The following SEC62 variants were observed in gnomAD, a reference collection of about 807,000 sequenced individuals.
The protein encoded by SEC62 is translocation protein SEC62.
A neutral mutation model predicts 47.5 loss-of-function variants in SEC62; 10 were observed. That is an observed-to-expected ratio of 0.21 (90% CI 0.13 to 0.36). The LOEUF (loss-of-function observed/expected upper bound fraction) is 0.36, where lower values mean the gene tolerates loss of function less well. Among genes scored for constraint, SEC62 ranks in the 10% least tolerant of loss-of-function variants. The probability of loss-of-function intolerance (pLI) is 1.00; values close to 1 mark genes in which losing one functional copy is unlikely to be tolerated. For synonymous variants in SEC62, 136 were observed against 150.5 expected, an observed-to-expected ratio of 0.90 and a Z score of 0.71; for missense variants, 327 against 464.1, an observed-to-expected ratio of 0.70 and a Z score of 2.71.
intron 7 of SEC62, among the ~76,000 whole-genome samples, chr3:169,989,635 A>G (rs1404895311): frequency 1.3e-5 from 2 of 152,130 alleles, no homozygotes; most frequent in Non-Finnish European, 2.9e-5. Context: ...GTTTAGCTCC[A>G]CTGAATAGAA....
intron 1 of SEC62, chr3:169,969,437 G>A (rs1438020061): frequency 2.3e-6 from 1 of 434,400 alleles, no homozygotes; most frequent in Non-Finnish European, 4.7e-6. Flanking sequence ...ATGTGCTGCT[G>A]CATAGTAGAA....
chr3:169,967,415 A>G (rs1190825144), intron 1 of SEC62, among the ~76,000 whole-genome samples: 1 of 152,100 alleles, frequency 6.6e-6, no homozygotes, highest in African/African-American at 2.4e-5. Flanking sequence ...CCAGATGTTC[A>G]GTTGCGTTGC....
chr3:169,973,839 T>C (rs1714765296), intron 1 of SEC62, among the ~76,000 whole-genome samples: 1 of 152,208 alleles, frequency 6.6e-6, no homozygotes, highest in Non-Finnish European at 1.5e-5. Flanking sequence ...AATTGTACAC[T>C]GGTATGATCT....
At position 169,993,152 on chromosome 3, in the gene SEC62, A is replaced by G. The variant is rs1239815976; in HGVS notation, c.*89A>G. ...ACCATATTGAACACATGGCATTTGTAGCATTCTTTAAATCTATCTACTGAA... is the reference window on the plus strand; with the variant it reads ...ACCATATTGAACACATGGCATTTGTGGCATTCTTTAAATCTATCTACTGAA... On this transcript the variant is annotated 3_prime_UTR_variant, in exon 8 of 8. Coordinates refer to ENST00000337002, the MANE Select transcript of SEC62 (RefSeq NM_003262.4). 5.4e-6 allele frequency: 5 copies of G among 930,110 alleles called. No homozygotes were observed. The highest frequency in any genetic ancestry group is 6.4e-6 in the Non-Finnish European group (4 of 624,534). The allele number at this position is 930,110 out of a possible 1,614,324, so 57.6% of individuals were successfully genotyped here.
Position 169,992,662 on chromosome 3 carries a change from A to G in SEC62, c.799A>G (p.Asn267Asp). ...GGRHHFWFLP[N>D]LTADVGFIDS... ...AAGGCACCACTTTTGGTTCTTGCCA[A>G]ATCTGACTGCTGATGTGGGCTTCAT... The change falls in exon 8 of 8, where the codon AAT becomes GAT. Residue 267 changes from asparagine to aspartate, a missense_variant. Physicochemically the swap from Asn to Asp is conservative, Grantham distance 23. Transcript: ENST00000337002. The surrounding 1 kb of genome is among the most constrained non-coding windows in gnomAD (Gnocchi z 4.0). 1 of 1,614,158 alleles carries G rather than the reference A, an allele frequency of 6.2e-7. No individual in the cohort carries two copies. The highest frequency in any genetic ancestry group is 8.5e-7 in the Non-Finnish European group (1 of 1,180,016).
At chr3:169,975,769 C>T (rs1308035848) in intron 2 of SEC62, 53 bp downstream of exon 2, 1 of 1,261,956 alleles carries the variant, frequency 7.9e-7, no homozygotes, top group African/African-American at 1.5e-5. Context: ...TGAAGTTAAC[C>T]TACATTTGGG....
chr3:169,976,257 G>A (rs1406075239), intron 2 of SEC62, among the ~76,000 whole-genome samples: 2 of 152,074 alleles, frequency 1.3e-5, no homozygotes, highest in African/African-American at 4.8e-5. Flanking sequence ...GAGTATGATG[G>A]CATGCGCCTC....
Position 169,995,171 on chromosome 3 carries a change from T to C in SEC62, c.*2108T>C, listed in dbSNP as rs752029316. On this transcript the variant is annotated 3_prime_UTR_variant, in exon 8 of 8. Coordinates refer to ENST00000337002, the MANE Select transcript of SEC62 (RefSeq NM_003262.4). The stretch of plus-strand genomic sequence containing the variant: ...GTACCAGAGCATGGAAAATCGTTTA[T>C]AATTGTTAATAGAATGGCGATTTTT... The C allele has an allele frequency of 2.6e-5, 4 of 152,178 alleles. No homozygotes were observed. Among genetic ancestry groups the C allele is most frequent in the Non-Finnish European group, 4.4e-5 (3 of 68,016 alleles). The allele number at this position is 152,178 out of a possible 1,614,324, so 9.4% of individuals were successfully genotyped here.
intron 5 of SEC62, among the ~76,000 whole-genome samples, chr3:169,984,275 A>T (rs1326276091): frequency 1.3e-5 from 2 of 152,200 alleles, no homozygotes; most frequent in East Asian, 3.8e-4. Context: ...GAACCACTGT[A>T]ATAGAAATTT....
chr3:169,983,282 A>T lies in SEC62; in HGVS notation c.549+29A>T, dbSNP rs747928794. 95 of 1,485,404 alleles carry T rather than the reference A, an allele frequency of 6.4e-5. 1 individual carries two copies. The Middle Eastern group carries it at 1.2e-3, about 19-fold the overall frequency. 92.0% of individuals were successfully genotyped at this position (1,485,404 alleles called of 1,614,324 possible). ...AGAGTAAGCCTATAACTAGAAGTTC[A>T]GTTTTCTATAGGAGTTTTTAGAAAG... On this transcript the variant is annotated intron_variant, in intron 5 of 7. Coordinates refer to ENST00000337002, the MANE Select transcript of SEC62 (RefSeq NM_003262.4).
At position 169,998,014 on chromosome 3, in the gene SEC62, T is replaced by C. The variant is rs1174568345; in HGVS notation, c.*4951T>C. The C allele has an allele frequency of 1.3e-5, 2 of 152,264 alleles. No individual in the cohort carries two copies. Among genetic ancestry groups the C allele is most frequent in the Non-Finnish European group, 2.9e-5 (2 of 68,044 alleles). 9.4% of individuals were successfully genotyped at this position (152,264 alleles called of 1,614,324 possible). ...TTTCTGTTGACAAAGTTACTGCTAGTACAACTGTGGATTGTTGTCTGCACT... is the reference window on the plus strand; with the variant it reads ...TTTCTGTTGACAAAGTTACTGCTAGCACAACTGTGGATTGTTGTCTGCACT... On this transcript the variant is annotated 3_prime_UTR_variant, in exon 8 of 8. Transcript: ENST00000337002.
intron 3 of SEC62, among the ~76,000 whole-genome samples, chr3:169,977,437 C>T (rs3772182): frequency 0.29 from 43,825 of 151,902 alleles, 7,667 homozygotes; most frequent in African/African-American, 0.49. Flanking sequence ...GTGCCTGCAC[C>T]CTGAGCCATA....
rs1011273401 is a variant in SEC62 at position 169,997,411 on chromosome 3, C to T, written c.*4348C>T. On this transcript the variant is annotated 3_prime_UTR_variant, in exon 8 of 8. Coordinates refer to ENST00000337002, the MANE Select transcript of SEC62 (RefSeq NM_003262.4). ...GGTCTTATTTCATTTTCAATGATTT[C>T]CTAGATCACTTTAACTTTTTTGTGT... is the stretch of plus-strand genomic sequence containing the variant. The T allele has an allele frequency of 1.3e-5, 2 of 152,246 alleles. No individual in the cohort carries two copies. Among genetic ancestry groups the T allele is most frequent in the African/African-American group, 4.8e-5 (2 of 41,538 alleles). The allele number at this position is 152,246 out of a possible 1,614,324, so 9.4% of individuals were successfully genotyped here. A position where few individuals can be genotyped will look rare whatever the true frequency, so the allele number is the denominator to read the frequency against.
intron 1 of SEC62, among the ~76,000 whole-genome samples, chr3:169,974,607 A>G (rs1714782351): frequency 1.3e-5 from 2 of 152,368 alleles, no homozygotes; most frequent in African/African-American, 4.8e-5. Context: ...ACTCTTTGTC[A>G]GTGCACTTCC....
intron 1 of SEC62, among the ~76,000 whole-genome samples, chr3:169,974,863 G>A (rs1453103170): frequency 2.0e-5 from 3 of 152,158 alleles, no homozygotes; most frequent in Admixed American, 6.5e-5. Flanking sequence ...CCATTGTTCA[G>A]GATACATATC....
In SEC62 at chr3:169,985,811, G is replaced by A. The variant is rs760738195; in HGVS notation, c.556G>A (p.Val186Ile). The change falls in exon 6 of 8, where the codon GTA becomes ATA. Residue 186 changes from valine (V) to isoleucine (I), a missense_variant. Val to Ile is a conservative substitution (Grantham distance 29). Transcript: ENST00000337002. ...QVFLDGNEVYVWIYDPVHFKT... is the reference protein window; with the variant it reads ...QVFLDGNEVYIWIYDPVHFKT... ...GGTTTCTTGATTCTTCTAGGTGTAT[G>A]TATGGATCTATGACCCAGTTCACTT... The A allele has an allele frequency of 6.2e-7, 1 of 1,611,804 alleles. No individual in the cohort carries two copies. Among genetic ancestry groups the A allele is most frequent in the Non-Finnish European group, 8.5e-7 (1 of 1,178,854 alleles).
At chr3:169,967,217 C>T (rs1306683754) in intron 1 of SEC62, among the ~76,000 whole-genome samples, 1 of 152,204 alleles carries the variant, frequency 6.6e-6, no homozygotes, top group East Asian at 1.9e-4. Context: ...TGACCCTTCC[C>T]GGGGCTCCTC....
At chr3:169,974,996 A>G (rs927105883) in intron 1 of SEC62, among the ~76,000 whole-genome samples, 36 of 152,298 alleles carry the variant, frequency 2.4e-4, no homozygotes, top group African/African-American at 7.5e-4. Context: ...AAAAGAGACT[A>G]TAGGCCGGTG....
chr3:169,967,564 A>C (rs533117596), intron 1 of SEC62, among the ~76,000 whole-genome samples: 1 of 152,310 alleles, frequency 6.6e-6, no homozygotes, highest in African/African-American at 2.4e-5. Flanking sequence ...TTCACATGCC[A>C]GTGTGTCATC....
Sources: allele counts gnomAD v4.1 joint callset (sites outside exome capture counted in the v4.1 genomes callset), GRCh38; gene constraint gnomAD v4.1.1; non-coding constraint Gnocchi (gnomAD v3.1); transcripts MANE v1.5; gene names NCBI Gene and HGNC (gene_info 2026-07-23, HGNC 2026-07-21).